The following CDH18 variants were observed in gnomAD, a reference collection of about 807,000 sequenced individuals.
The protein encoded by CDH18 is cadherin-18.
CDH18 carries 31 observed loss-of-function variants against 67.9 expected under a neutral mutation model. The ratio of observed to expected loss-of-function variants is 0.46; its 90% CI spans 0.34 to 0.62. CDH18 has a LOEUF of 0.62. CDH18 is among the 20% of genes least tolerant of loss of function. CDH18 has a pLI of 0.01. For synonymous variants in CDH18, 362 were observed against 347.2 expected (o/e 1.04, Z -0.48); for missense variants, 890 against 975.5 (o/e 0.91, Z 1.17).
intron 11 of CDH18, among the ~76,000 whole-genome samples, chr5:19,499,366 C>T (rs1223514585): frequency 2.0e-5 from 3 of 151,856 alleles, no homozygotes; most frequent in African/African-American, 7.3e-5. Context: ...TATGTAGTTC[C>T]TAGTTGTTCA....
intron 4 of CDH18, among the ~76,000 whole-genome samples, chr5:19,741,161 CTATGTATA>C (rs1048571664): frequency 5.0e-5 from 5 of 99,710 alleles, no homozygotes; most frequent in East Asian, 5.8e-4. Flanking sequence ...TCTATGTCAT[CTATGTATA>C]TATGTATATA....
At position 19,471,447 on chromosome 5, in the gene CDH18, C is replaced by G. The variant is rs1048587965; in HGVS notation, c.*1779G>C. ...CAGAGGTAAAATCCAAAATTTTGCACATGGGTAGAAACAGACAGAAAATGT... is the reference window on the plus strand; with the variant it reads ...CAGAGGTAAAATCCAAAATTTTGCAGATGGGTAGAAACAGACAGAAAATGT... On this transcript the variant is annotated 3_prime_UTR_variant, in exon 13 of 13. Coordinates refer to ENST00000382275, the MANE Select transcript of CDH18 (RefSeq NM_004934.5). Among the ~76,000 whole-genome samples the G allele has an allele frequency of 6.6e-6, 1 of 151,918 alleles. No individual in the cohort carries two copies. The highest frequency in any genetic ancestry group is 1.5e-5 in the Non-Finnish European group (1 of 67,980).
chr5:20,140,663 A>C (rs1281189771), intron 2 of CDH18, among the ~76,000 whole-genome samples: 1 of 152,008 alleles, frequency 6.6e-6, no homozygotes, highest in Non-Finnish European at 1.5e-5. Flanking sequence ...TTTGGGAATA[A>C]TGTTGTTCTG....
At chr5:20,231,500 G>A (rs560897114) in intron 2 of CDH18, among the ~76,000 whole-genome samples, 1 of 152,106 alleles carries the variant, frequency 6.6e-6, no homozygotes, top group African/African-American at 2.4e-5. Flanking sequence ...TCAGGAGGCT[G>A]AGACAGGAGA....
chr5:20,470,959 A>G (rs1395637813), intron 1 of CDH18, among the ~76,000 whole-genome samples: 4 of 152,126 alleles, frequency 2.6e-5, no homozygotes, highest in Admixed American at 6.5e-5. Flanking sequence ...TCTGAAATAT[A>G]ATCTCCCTTG....
chr5:19,637,041 A>G (rs1753248240), intron 5 of CDH18, among the ~76,000 whole-genome samples: 1 of 152,190 alleles, frequency 6.6e-6, no homozygotes, highest in South Asian at 2.1e-4. Flanking sequence ...CCTCTAATGC[A>G]GTTTTACTCC....
chr5:20,333,514 A>T (rs1365879916), intron 1 of CDH18, among the ~76,000 whole-genome samples: 1 of 134,040 alleles, frequency 7.5e-6, no homozygotes, highest in African/African-American at 2.9e-5. Context: ...TCAAAAAAAA[A>T]AAAACAATAT....
At chr5:20,331,112 T>C (rs949725374) in intron 1 of CDH18, among the ~76,000 whole-genome samples, 4 of 152,210 alleles carry the variant, frequency 2.6e-5, no homozygotes, top group Non-Finnish European at 4.4e-5. Flanking sequence ...AGAATGGGGA[T>C]AGGGAAAATA....
intron 2 of CDH18, among the ~76,000 whole-genome samples, chr5:20,222,551 T>C (rs935264455): frequency 5.3e-5 from 8 of 151,968 alleles, no homozygotes; most frequent in Admixed American, 2.0e-4. Flanking sequence ...CTTTTTTTCT[T>C]TAGCTGGAAC....
At chr5:19,974,520 CAAAAAAAAAAAAA>C (rs70954626) in intron 2 of CDH18, among the ~76,000 whole-genome samples, 3 of 78,278 alleles carry the variant, frequency 3.8e-5, no homozygotes, top group African/African-American at 5.0e-5. Flanking sequence ...TCCTGTCTCC[CAAAAAAAAAAAAA>C]AAAAAAAAAA....
At chr5:20,024,995 C>T (rs567532172) in intron 2 of CDH18, among the ~76,000 whole-genome samples, 2 of 152,274 alleles carry the variant, frequency 1.3e-5, no homozygotes, top group South Asian at 2.1e-4. Context: ...CACCGATGCT[C>T]TTCCAGTGAA....
chr5:19,612,031 G>A (rs534393226), intron 6 of CDH18, among the ~76,000 whole-genome samples: 2 of 148,738 alleles, frequency 1.3e-5, no homozygotes, highest in Admixed American at 1.3e-4. Flanking sequence ...ATAACATGAA[G>A]AATTTTTTTA....
chr5:20,368,416 A>G (rs1253909837), intron 1 of CDH18, among the ~76,000 whole-genome samples: 1 of 152,212 alleles, frequency 6.6e-6, no homozygotes, highest in Non-Finnish European at 1.5e-5. Flanking sequence ...ATACACATCT[A>G]AAGCTAAAAG....
At chr5:20,038,706 A>T (rs1378118734) in intron 2 of CDH18, among the ~76,000 whole-genome samples, 1 of 152,168 alleles carries the variant, frequency 6.6e-6, no homozygotes, top group Non-Finnish European at 1.5e-5. Context: ...AAATAATAAG[A>T]GCTATTTATG....
chr5:19,662,620 A>G (rs1310828889), intron 5 of CDH18, among the ~76,000 whole-genome samples: 1 of 151,990 alleles, frequency 6.6e-6, no homozygotes, highest in African/African-American at 2.4e-5. Context: ...TGTCTTTACT[A>G]TGCAATTAAT....
At chr5:19,785,761 A>C (rs1430377510) in intron 3 of CDH18, among the ~76,000 whole-genome samples, 2 of 131,012 alleles carry the variant, frequency 1.5e-5, no homozygotes, top group Admixed American at 8.1e-5. Context: ...AAATAGGTAG[A>C]TCATAGAGGT....
chr5:20,042,490 A>G (rs1740508336), intron 2 of CDH18, among the ~76,000 whole-genome samples: 1 of 152,238 alleles, frequency 6.6e-6, no homozygotes, highest in South Asian at 2.1e-4. Context: ...GTTTGGAGTC[A>G]GGAGACATTT....
chr5:19,507,455 C>G (rs1349267808), intron 10 of CDH18, among the ~76,000 whole-genome samples: 2 of 152,042 alleles, frequency 1.3e-5, no homozygotes, highest in Admixed American at 1.3e-4. Flanking sequence ...CACATGCACA[C>G]GTATGTTTAT....
intron 5 of CDH18, among the ~76,000 whole-genome samples, chr5:19,643,815 G>T (rs1045628239): frequency 6.6e-6 from 1 of 152,120 alleles, no homozygotes; most frequent in Admixed American, 6.5e-5. Flanking sequence ...TTGATAAGAT[G>T]ATAGATCTTC....
Sources: allele counts gnomAD v4.1 joint callset (sites outside exome capture counted in the v4.1 genomes callset), GRCh38; gene constraint gnomAD v4.1.1; transcripts MANE v1.5; gene names NCBI Gene and HGNC (gene_info 2026-07-23, HGNC 2026-07-21).